GALNT17: variants seen among roughly 807,000 people sequenced by gnomAD.
GALNT17 encodes polypeptide N-acetylgalactosaminyltransferase 17.
In GALNT17, 29 loss-of-function variants were observed where a neutral mutation model predicts 63.7. The observed-to-expected ratio is 0.46, with a 90% CI of 0.34 to 0.62. The LOEUF (loss-of-function observed/expected upper bound fraction) is 0.62. GALNT17 is among the 20% of genes least tolerant of loss of function. The probability of loss-of-function intolerance (pLI) is 0.01; values close to 1 mark genes in which losing one functional copy is unlikely to be tolerated. For missense variants in GALNT17, 603 were observed against 799.6 expected (o/e 0.75, Z 2.97); for synonymous variants, 305 against 318.3 (o/e 0.96, Z 0.45).
intron 5 of GALNT17, among the ~76,000 whole-genome samples, chr7:71,507,788 C>T (rs1788291037): frequency 1.3e-5 from 2 of 152,138 alleles, no homozygotes; most frequent in Non-Finnish European, 2.9e-5. Context: ...GAGGTGTTTG[C>T]ATGCAGGATG....
intron 5 of GALNT17, among the ~76,000 whole-genome samples, chr7:71,476,957 A>C (rs1787733348): frequency 6.6e-6 from 1 of 152,160 alleles, no homozygotes; most frequent in African/African-American, 2.4e-5. Context: ...CCAGAGAGGC[A>C]GTGGAGGGTG....
At chr7:71,289,833 C>G (rs535588524) in intron 1 of GALNT17, among the ~76,000 whole-genome samples, 1 of 149,806 alleles carries the variant, frequency 6.7e-6, no homozygotes, top group African/African-American at 2.5e-5. Flanking sequence ...GAGCCAAGAT[C>G]GTGCCGTTGC....
At chr7:71,168,454 C>T (rs1480443776) in intron 1 of GALNT17, among the ~76,000 whole-genome samples, 1 of 151,758 alleles carries the variant, frequency 6.6e-6, no homozygotes, top group Admixed American at 6.6e-5. Flanking sequence ...CGGCTGTAAC[C>T]CCAGCTACTC....
chr7:71,482,079 A>ATGTGTG (rs371371505), intron 5 of GALNT17, among the ~76,000 whole-genome samples: 5,485 of 136,698 alleles, frequency 0.04, 170 homozygotes, highest in African/African-American at 0.076. Flanking sequence ...ACATATATGT[A>ATGTGTG]TATGTGTGTG....
intron 5 of GALNT17, among the ~76,000 whole-genome samples, chr7:71,524,635 A>T (rs983049622): frequency 6.6e-6 from 1 of 152,210 alleles, no homozygotes; most frequent in Admixed American, 6.5e-5. Flanking sequence ...TCTTGAGAGT[A>T]TAACTTTTCT....
chr7:71,318,417 T>C (rs938040903), intron 1 of GALNT17, among the ~76,000 whole-genome samples: 2 of 147,574 alleles, frequency 1.4e-5, no homozygotes, highest in African/African-American at 2.5e-5. Context: ...AGCTCTTTTT[T>C]TTTTGTGTGT....
At chr7:71,461,908 A>G (rs113269195) in intron 5 of GALNT17, among the ~76,000 whole-genome samples, 65 of 152,342 alleles carry the variant, frequency 4.3e-4, no homozygotes, top group African/African-American at 1.5e-3. Context: ...CCTCTGGGGC[A>G]GGACATGATG....
intron 5 of GALNT17, among the ~76,000 whole-genome samples, chr7:71,527,200 C>T (rs1038691636): frequency 1.3e-5 from 2 of 151,982 alleles, no homozygotes; most frequent in East Asian, 3.9e-4. Context: ...GAAAACATCA[C>T]CCATAAAATA....
chr7:71,250,206 G>GTACGTT (rs1328591082), intron 1 of GALNT17, among the ~76,000 whole-genome samples: 2 of 152,080 alleles, frequency 1.3e-5, no homozygotes, highest in Non-Finnish European at 2.9e-5. Context: ...AACAAATTAA[G>GTACGTT]TACGTTTATT....
intron 2 of GALNT17, among the ~76,000 whole-genome samples, chr7:71,338,536 T>C (rs1387261546): frequency 1.3e-5 from 2 of 152,050 alleles, no homozygotes; most frequent in African/African-American, 4.8e-5. Context: ...ACTATTTGTG[T>C]GCATCTTGGT....
intron 1 of GALNT17, among the ~76,000 whole-genome samples, chr7:71,298,012 A>C (rs1163829511): frequency 6.6e-6 from 1 of 152,100 alleles, no homozygotes; most frequent in Non-Finnish European, 1.5e-5. Flanking sequence ...GTTGAACTCA[A>C]GAGTTGTGTA....
intron 6 of GALNT17, among the ~76,000 whole-genome samples, chr7:71,581,486 AACTC>A (rs1356983911): frequency 6.6e-6 from 1 of 152,016 alleles, no homozygotes; most frequent in Non-Finnish European, 1.5e-5. Flanking sequence ...ATCTCGTGAG[AACTC>A]ACTCACTATC....
intron 1 of GALNT17, among the ~76,000 whole-genome samples, chr7:71,309,592 CTTA>C: frequency 6.6e-6 from 1 of 152,096 alleles, no homozygotes; most frequent in Admixed American, 6.5e-5. Flanking sequence ...TTTACATTTG[CTTA>C]TTAATTTCAA....
chr7:71,301,933 G>A (rs1048929925), intron 1 of GALNT17, among the ~76,000 whole-genome samples: 38 of 152,156 alleles, frequency 2.5e-4, no homozygotes, highest in African/African-American at 8.9e-4. Context: ...AAGACTTTGA[G>A]AAAATAGTGT....
chr7:71,557,649 G>A (rs982236120), intron 5 of GALNT17, among the ~76,000 whole-genome samples: 12 of 152,204 alleles, frequency 7.9e-5, no homozygotes, highest in Admixed American at 7.8e-4. Context: ...AAATTAGCCA[G>A]GCCCGGTGGC....
intron 1 of GALNT17, among the ~76,000 whole-genome samples, chr7:71,212,596 C>T (rs778449247): frequency 6.6e-5 from 10 of 152,200 alleles, no homozygotes; most frequent in Admixed American, 4.6e-4. Context: ...AGACACTCAA[C>T]GCTAGCTTGT....
chr7:71,375,124 G>A (rs1184729756), intron 2 of GALNT17, among the ~76,000 whole-genome samples: 3 of 152,190 alleles, frequency 2.0e-5, no homozygotes, highest in Admixed American at 1.3e-4. Context: ...ACAGGCGTGA[G>A]CCTCTGTGCC....
At chr7:71,671,755 GT>G (rs1242008211) in intron 8 of GALNT17, among the ~76,000 whole-genome samples, 4 of 152,152 alleles carry the variant, frequency 2.6e-5, no homozygotes, top group African/African-American at 9.7e-5. Flanking sequence ...GCCAAGCACC[GT>G]GGCTCACGCC....
chr7:71,145,692 A>G (rs1294523771), intron 1 of GALNT17, among the ~76,000 whole-genome samples: 2 of 152,122 alleles, frequency 1.3e-5, no homozygotes, highest in South Asian at 2.1e-4. Flanking sequence ...TAAAGTTCAT[A>G]CGGGTTTCTT....
Sources: gnomAD v4.1 joint callset for allele counts (sites outside exome capture counted in the v4.1 genomes callset) on GRCh38, gnomAD v4.1.1 for gene constraint, MANE v1.5 for transcripts, NCBI Gene and HGNC (gene_info 2026-07-23, HGNC 2026-07-21) for gene names.